The following AOAH variants were observed in gnomAD, a reference collection of about 807,000 sequenced individuals.
AOAH encodes the protein acyloxyacyl hydrolase, also known as acyloxyacyl hydrolase (neutrophil).
In AOAH, 64 loss-of-function variants were observed where a neutral mutation model predicts 92.2. The ratio of observed to expected loss-of-function variants is 0.69; its 90% CI spans 0.57 to 0.86. The LOEUF (loss-of-function observed/expected upper bound fraction) is 0.86, where lower values mean the gene tolerates loss of function less well. AOAH is among the 40% of genes least tolerant of loss of function. The pLI, the probability that AOAH is intolerant of heterozygous loss-of-function variation, is 0.00. For synonymous variants in AOAH, 263 were observed against 254.5 expected, an observed-to-expected ratio of 1.03 and a Z score of -0.32; for missense variants, 656 against 694.6, an observed-to-expected ratio of 0.94 and a Z score of 0.62.
chr7:36,664,982 A>C (rs560622871), intron 3 of AOAH, among the ~76,000 whole-genome samples: 1 of 152,348 alleles, frequency 6.6e-6, no homozygotes, highest in Admixed American at 6.5e-5. Context: ...CTCATTACCA[A>C]GGGGATGACA....
At chr7:36,674,284 TTC>T (rs1043257799) in intron 2 of AOAH, among the ~76,000 whole-genome samples, 8 of 152,224 alleles carry the variant, frequency 5.3e-5, no homozygotes, top group African/African-American at 1.7e-4. Flanking sequence ...CGTTCATTCT[TTC>T]TTTCTTTTTT....
intron 11 of AOAH, among the ~76,000 whole-genome samples, chr7:36,597,613 C>A (rs755801597): frequency 1.3e-5 from 2 of 152,282 alleles, no homozygotes; most frequent in South Asian, 2.1e-4. Context: ...TGATATGGTT[C>A]TTTTCCACCC....
intron 2 of AOAH, among the ~76,000 whole-genome samples, chr7:36,682,220 T>A (rs80085307): frequency 0.018 from 2,718 of 152,254 alleles, 90 homozygotes; most frequent in African/African-American, 0.063. Flanking sequence ...CACTGAGGAG[T>A]AACTTTTGGG....
chr7:36,535,695 G>A (rs779894410), intron 16 of AOAH, among the ~76,000 whole-genome samples: 2 of 152,146 alleles, frequency 1.3e-5, no homozygotes, highest in African/African-American at 4.8e-5. Context: ...CGGCACGTTC[G>A]CTGTCAGGGT....
At chr7:36,653,809 C>T (rs1303369455) in intron 4 of AOAH, among the ~76,000 whole-genome samples, 2 of 152,148 alleles carry the variant, frequency 1.3e-5, no homozygotes, top group East Asian at 3.9e-4. Flanking sequence ...GTTCCTCCAG[C>T]ACTGCTGTGG....
chr7:36,723,985 GTCTACATAGAAAATACAAAAA>G lies in AOAH; in HGVS notation c.127+16_127+36del. On this transcript the variant is annotated intron_variant, in intron 1 of 20. Transcript: ENST00000617537. ...GCAAAGTACTGGATCCCATTGTTAT[GTCTACATAGAAAATACAAAAA>G]TATTTATTTGCATACCTACACAGGT... 6.2e-7 allele frequency: 1 copy of G among 1,601,392 alleles called. No homozygotes were observed. The highest frequency in any genetic ancestry group is 8.5e-7 in the Non-Finnish European group (1 of 1,172,874).
At chr7:36,694,664 G>A (rs1016495470) in intron 1 of AOAH, among the ~76,000 whole-genome samples, 1 of 152,106 alleles carries the variant, frequency 6.6e-6, no homozygotes, top group Non-Finnish European at 1.5e-5. Flanking sequence ...TATAAAAAAT[G>A]TCCTCTGTAT....
At chr7:36,523,363 C>T (rs1025686676) in intron 19 of AOAH, among the ~76,000 whole-genome samples, 13 of 152,214 alleles carry the variant, frequency 8.5e-5, no homozygotes, top group African/African-American at 3.1e-4. Context: ...GTCCGCCACA[C>T]AGAGTCTCCA....
intron 1 of AOAH, among the ~76,000 whole-genome samples, chr7:36,689,384 T>C (rs967434476): frequency 6.6e-6 from 1 of 152,104 alleles, no homozygotes; most frequent in Non-Finnish European, 1.5e-5. Flanking sequence ...TCTCATAGTT[T>C]TGGAGGCTGG....
At chr7:36,717,267 G>T (rs1799268138) in intron 1 of AOAH, among the ~76,000 whole-genome samples, 1 of 152,076 alleles carries the variant, frequency 6.6e-6, no homozygotes, top group African/African-American at 2.4e-5. Flanking sequence ...ACTTCAGTGA[G>T]GGCTCCTTTT....
At chr7:36,514,548 T>A in intron 20 of AOAH, 1 of 1,535,978 alleles carries the variant, frequency 6.5e-7, no homozygotes, top group South Asian at 1.2e-5. Context: ...TTGTCCAGTG[T>A]CTGGCTTGTC....
intron 1 of AOAH, among the ~76,000 whole-genome samples, chr7:36,705,538 C>T (rs531779731): frequency 8.5e-5 from 13 of 152,178 alleles, no homozygotes; most frequent in African/African-American, 2.9e-4. Context: ...GAGTCAATAT[C>T]GTGAAAATGG....
At chr7:36,522,417 T>C (rs1415195484) in intron 19 of AOAH, among the ~76,000 whole-genome samples, 1 of 152,238 alleles carries the variant, frequency 6.6e-6, no homozygotes, top group African/African-American at 2.4e-5. Flanking sequence ...TTTCAGTACA[T>C]GTCATTTTTT....
chr7:36,545,845 C>G (rs1262216761), intron 15 of AOAH, among the ~76,000 whole-genome samples: 1 of 152,174 alleles, frequency 6.6e-6, no homozygotes, highest in Non-Finnish European at 1.5e-5. Flanking sequence ...TTGTCACTGG[C>G]CTTTATGATT....
Position 36,610,965 on chromosome 7 carries a change from C to A in AOAH, c.846+5415G>T, listed in dbSNP as rs182793870. On this transcript the variant is annotated intron_variant, in intron 11 of 20. Transcript: ENST00000617537. ...GAAAACAGCTGATCCCAGACCACCC[C>A]GGACGCACGGGTGAGAAGAAATGAT... Among the ~76,000 whole-genome samples, 109 of 152,300 alleles carry A rather than the reference C, an allele frequency of 7.2e-4. 1 individual carries two copies. Among genetic ancestry groups the A allele is most frequent in the Non-Finnish European group, 2.9e-5 (2 of 68,036 alleles).
At chr7:36,704,764 A>C (rs975521530) in intron 1 of AOAH, among the ~76,000 whole-genome samples, 2 of 152,204 alleles carry the variant, frequency 1.3e-5, no homozygotes, top group East Asian at 3.8e-4. Flanking sequence ...GGCACACTGA[A>C]TCCAGTAGCA....
At chr7:36,594,456 T>G (rs370659131) in intron 11 of AOAH, 26 bp from the exon 12 acceptor site, 5 of 1,567,644 alleles carry the variant, frequency 3.2e-6, no homozygotes, top group Non-Finnish European at 4.4e-6. Context: ...AAGTAGCAAT[T>G]ATCAAAATGG....
rs761724647 is a variant in AOAH, at chr7:36,517,156, G to GT, written c.1600-3777dup. On this transcript the variant is annotated intron_variant, in intron 20 of 20. Coordinates refer to ENST00000617537, the MANE Select transcript of AOAH (RefSeq NM_001637.4). ...CCCTTTCCTCTCTTTATCCATGTTAGTCTTTCTTTCTTTCTTTCTTTCTTT... is the reference window on the plus strand; with the variant it reads ...CCCTTTCCTCTCTTTATCCATGTTAGTTCTTTCTTTCTTTCTTTCTTTCTTT... Among the ~76,000 whole-genome samples the GT allele has an allele frequency of 3.1e-4, 30 of 95,432 alleles. 1 individual carries two copies. Among genetic ancestry groups the GT allele is most frequent in the African/African-American group, 4.1e-5 (1 of 24,222 alleles). The allele number at this position is 95,432 out of a possible 152,430, so 62.6% of individuals were successfully genotyped here.
intron 1 of AOAH, among the ~76,000 whole-genome samples, chr7:36,721,815 G>C (rs1399713225): frequency 6.6e-6 from 1 of 152,146 alleles, no homozygotes; most frequent in African/African-American, 2.4e-5. Context: ...TTTGAGTCTG[G>C]GTGGAGGAAC....
Sources: gnomAD v4.1 joint callset for allele counts (sites outside exome capture counted in the v4.1 genomes callset) on GRCh38, gnomAD v4.1.1 for gene constraint, MANE v1.5 for transcripts, NCBI Gene and HGNC (gene_info 2026-07-23, HGNC 2026-07-21) for gene names.